Variants in TSHZ2 observed in about 807,000 individuals in gnomAD.
The protein encoded by TSHZ2 is teashirt homolog 2.
In TSHZ2, 21 loss-of-function variants were observed where a neutral mutation model predicts 74.4. That is an observed-to-expected ratio of 0.28 (90% CI 0.20 to 0.41). The LOEUF (loss-of-function observed/expected upper bound fraction) is 0.41, where lower values mean the gene tolerates loss of function less well. Among genes scored for constraint, TSHZ2 ranks in the 10% least tolerant of loss-of-function variants. TSHZ2 has a pLI of 1.00. For synonymous variants in TSHZ2, 540 were observed against 515.3 expected, an observed-to-expected ratio of 1.05 and a Z score of -0.65; for missense variants, 1,244 against 1,293.5, an observed-to-expected ratio of 0.96 and a Z score of 0.59.
At chr20:53,031,113 G>A (rs1983618235) in intron 1 of TSHZ2, among the ~76,000 whole-genome samples, 1 of 152,106 alleles carries the variant, frequency 6.6e-6, no homozygotes, top group Non-Finnish European at 1.5e-5. Context: ...CATCCCAGAA[G>A]TAGAATTGCC....
chr20:53,474,172 C>G (rs1985919787), intron 2 of TSHZ2, among the ~76,000 whole-genome samples: 1 of 148,786 alleles, frequency 6.7e-6, no homozygotes, highest in Non-Finnish European at 1.5e-5. Flanking sequence ...CAAAGATACT[C>G]CTCGAGAAGA....
intron 2 of TSHZ2, among the ~76,000 whole-genome samples, chr20:53,463,269 A>C (rs917893762): frequency 3.2e-4 from 48 of 152,044 alleles, no homozygotes; most frequent in Non-Finnish European, 5.7e-4. Context: ...TGATGCCTGC[A>C]ATCTTAGCAC....
At chr20:53,361,816 G>A (rs531176302) in intron 2 of TSHZ2, among the ~76,000 whole-genome samples, 60 of 152,252 alleles carry the variant, frequency 3.9e-4, no homozygotes, top group African/African-American at 1.4e-3. Context: ...ATTCATGCAG[G>A]TGAAACATTG....
chr20:53,363,058 C>A (rs2145607832), intron 2 of TSHZ2, among the ~76,000 whole-genome samples: 1 of 152,338 alleles, frequency 6.6e-6, no homozygotes, highest in East Asian at 1.9e-4. Context: ...ACCAATGGTG[C>A]ACAGTGAGTG....
At chr20:53,041,407 T>C (rs748518527) in intron 1 of TSHZ2, among the ~76,000 whole-genome samples, 2 of 152,148 alleles carry the variant, frequency 1.3e-5, no homozygotes, top group African/African-American at 2.4e-5. Context: ...GGGAATTGAG[T>C]CTCCATGCCC....
intron 2 of TSHZ2, among the ~76,000 whole-genome samples, chr20:53,485,849 A>G (rs1986278158): frequency 6.6e-6 from 1 of 152,252 alleles, no homozygotes; most frequent in African/African-American, 2.4e-5. Context: ...GAAAAAAATC[A>G]TACATTATGT....
At chr20:52,986,711 A>G (rs1395276911) in intron 1 of TSHZ2, among the ~76,000 whole-genome samples, 1 of 152,286 alleles carries the variant, frequency 6.6e-6, no homozygotes, top group Non-Finnish European at 1.5e-5. Context: ...CCTGGGCAAC[A>G]GAGTGAAACT....
At chr20:53,109,000 A>C (rs1036920670) in intron 1 of TSHZ2, among the ~76,000 whole-genome samples, 18 of 151,728 alleles carry the variant, frequency 1.2e-4, no homozygotes, top group Non-Finnish European at 2.2e-4. Flanking sequence ...GGATTTTTTC[A>C]TTATCTCTTT....
intron 1 of TSHZ2, among the ~76,000 whole-genome samples, chr20:53,003,006 A>G (rs1982495171): frequency 6.6e-6 from 1 of 152,212 alleles, no homozygotes; most frequent in South Asian, 2.1e-4. Context: ...TGTAATGGAC[A>G]GCTCTAAATT....
intron 1 of TSHZ2, among the ~76,000 whole-genome samples, chr20:53,030,772 A>G (rs148459071): frequency 4.5e-4 from 69 of 152,342 alleles, no homozygotes; most frequent in Admixed American, 7.8e-4. Flanking sequence ...ACAGCCTTTC[A>G]AAAGCTTTTT....
At chr20:53,168,370 A>C (rs1315016992) in intron 1 of TSHZ2, among the ~76,000 whole-genome samples, 1 of 152,236 alleles carries the variant, frequency 6.6e-6, no homozygotes, top group Admixed American at 6.5e-5. Context: ...CCACTGGCTT[A>C]TTCACATAGT....
intron 2 of TSHZ2, among the ~76,000 whole-genome samples, chr20:53,333,617 G>A (rs1979820959): frequency 6.6e-6 from 1 of 152,080 alleles, no homozygotes; most frequent in African/African-American, 2.4e-5. Flanking sequence ...CACCACGCCT[G>A]GCTAATTTTT....
intron 1 of TSHZ2, among the ~76,000 whole-genome samples, chr20:53,091,547 T>C (rs772391807): frequency 3.3e-5 from 5 of 152,254 alleles, no homozygotes; most frequent in Non-Finnish European, 5.9e-5. Context: ...TGCAATATGA[T>C]TGTATTTTAT....
chr20:53,211,281 C>T lies in TSHZ2; in HGVS notation c.41-42218C>T, dbSNP rs114128966. On this transcript the variant is annotated intron_variant, in intron 1 of 2. Coordinates refer to ENST00000371497, the MANE Select transcript of TSHZ2 (RefSeq NM_173485.6). ...AGATCGGCGTTTAAAATTAAACCTC[C>T]GATGAAAGATAAAAGCTCTTTTTGT... Among the ~76,000 whole-genome samples, 192 of 152,216 alleles carry T rather than the reference C, an allele frequency of 1.3e-3. 2 individuals carry two copies. Among genetic ancestry groups the T allele is most frequent in the African/African-American group, 4.1e-3 (169 of 41,528 alleles).
intron 1 of TSHZ2, among the ~76,000 whole-genome samples, chr20:53,186,385 C>T (rs1988599957): frequency 6.6e-6 from 1 of 152,200 alleles, no homozygotes; most frequent in Non-Finnish European, 1.5e-5. Context: ...TTCTACAATA[C>T]AACTTTCAAA....
At chr20:53,166,485 A>T (rs965485579) in intron 1 of TSHZ2, among the ~76,000 whole-genome samples, 1 of 152,096 alleles carries the variant, frequency 6.6e-6, no homozygotes, top group African/African-American at 2.4e-5. Flanking sequence ...AAAATTAAAA[A>T]TTAGGCCAGG....
At chr20:53,438,856 A>G (rs371491883) in intron 2 of TSHZ2, among the ~76,000 whole-genome samples, 3 of 152,312 alleles carry the variant, frequency 2.0e-5, no homozygotes, top group African/African-American at 7.2e-5. Flanking sequence ...ACTACTAGGG[A>G]GACTGAGGCT....
At position 53,119,476 on chromosome 20, in the gene TSHZ2, A is replaced by G. The variant is rs556422046; in HGVS notation, c.41-134023A>G. Reference sequence around the variant, plus strand: ...CATGGAAGCTCAGAGCCCTCAGTGCAGTCAAGGGGAGAGAGTCCAGCGCTA... The same window carrying G: ...CATGGAAGCTCAGAGCCCTCAGTGCGGTCAAGGGGAGAGAGTCCAGCGCTA... On this transcript the variant is annotated intron_variant, in intron 1 of 2. Coordinates refer to ENST00000371497, the MANE Select transcript of TSHZ2 (RefSeq NM_173485.6). Among the ~76,000 whole-genome samples, 133 of 152,320 alleles carry G rather than the reference A, an allele frequency of 8.7e-4. 1 individual carries two copies. Among genetic ancestry groups the G allele is most frequent in the Non-Finnish European group, 1.9e-3 (126 of 68,018 alleles).
rs376250136 is a variant in TSHZ2, at chr20:53,256,416, C to T, written c.2958C>T (p.Ala986=). 56 of 1,613,876 alleles carry T rather than the reference C, an allele frequency of 3.5e-5. No individual in the cohort carries two copies. Among genetic ancestry groups the T allele is most frequent in the African/African-American group, 8.0e-5 (6 of 74,900 alleles). ...AGAGGTCTCCAGAAACAATAGCTGC[C>T]GAAGAGGACACAGACTCTAAATTCA... is the stretch of plus-strand genomic sequence containing the variant. ...SAQRSPETIA[A]EEDTDSKFKC... The change falls in exon 2 of 3, where the codon GCC becomes GCT. Residue 986 remains alanine (A), a synonymous_variant. Transcript: ENST00000371497. This position sits in a 1 kb window ranked among gnomAD's most constrained non-coding sequence, Gnocchi z 4.3.
Sources: gnomAD v4.1 joint callset for allele counts (sites outside exome capture counted in the v4.1 genomes callset) on GRCh38, gnomAD v4.1.1 for gene constraint, Gnocchi (gnomAD v3.1) non-coding constraint, MANE v1.5 for transcripts, NCBI Gene and HGNC (gene_info 2026-07-23, HGNC 2026-07-21) for gene names.